The following ZFPM2 variants were observed in gnomAD, a reference collection of about 807,000 sequenced individuals.
ZFPM2 encodes the protein zinc finger protein ZFPM2.
A neutral mutation model predicts 98.6 loss-of-function variants in ZFPM2; 20 were observed. The ratio of observed to expected loss-of-function variants is 0.20; its 90% CI spans 0.14 to 0.29. ZFPM2 has a LOEUF of 0.29. ZFPM2 is among the 10% of genes least tolerant of loss of function. The probability of loss-of-function intolerance (pLI) is 1.00; values close to 1 mark genes in which losing one functional copy is unlikely to be tolerated. For missense variants in ZFPM2, 1,310 were observed against 1,388.6 expected (o/e 0.94, Z 0.90); for synonymous variants, 518 against 502.7 (o/e 1.03, Z -0.41).
intron 3 of ZFPM2, among the ~76,000 whole-genome samples, chr8:105,507,276 G>C (rs1309586966): frequency 1.3e-5 from 2 of 152,172 alleles, no homozygotes; most frequent in African/African-American, 4.8e-5. Flanking sequence ...CAGAGACTAA[G>C]AGTGATCTCA....
chr8:105,321,060 A>G (rs1434984844), intron 1 of ZFPM2, among the ~76,000 whole-genome samples: 1 of 152,198 alleles, frequency 6.6e-6, no homozygotes, highest in Non-Finnish European at 1.5e-5. Context: ...TTCCACCGTT[A>G]AGAAAAGTGA....
intron 4 of ZFPM2, among the ~76,000 whole-genome samples, chr8:105,633,304 T>C (rs1816786086): frequency 6.6e-6 from 1 of 152,190 alleles, no homozygotes; most frequent in South Asian, 2.1e-4. Flanking sequence ...ACCCTTGTAT[T>C]GTGCTCTGTG....
intron 5 of ZFPM2, among the ~76,000 whole-genome samples, chr8:105,694,383 A>T (rs1810968213): frequency 6.6e-6 from 1 of 152,088 alleles, no homozygotes; most frequent in Non-Finnish European, 1.5e-5. Context: ...AAAAAATCAC[A>T]ATTATGATTT....
At chr8:105,455,126 G>T (rs1812562393) in intron 3 of ZFPM2, among the ~76,000 whole-genome samples, 1 of 152,080 alleles carries the variant, frequency 6.6e-6, no homozygotes, top group Non-Finnish European at 1.5e-5. Flanking sequence ...TGATTTTCTG[G>T]TTTGGGATGC....
chr8:105,364,107 G>T (rs2035362), intron 1 of ZFPM2, among the ~76,000 whole-genome samples: 17,295 of 151,842 alleles, frequency 0.11, 1,259 homozygotes, highest in Non-Finnish European at 0.16. Context: ...GACACTAAAT[G>T]GATATTTTTA....
At chr8:105,594,880 C>T (rs1815935255) in intron 4 of ZFPM2, among the ~76,000 whole-genome samples, 1 of 152,008 alleles carries the variant, frequency 6.6e-6, no homozygotes, top group Non-Finnish European at 1.5e-5. Flanking sequence ...TAGTCTCTGC[C>T]CTCAAGGAGC....
chr8:105,582,987 G>A (rs1325674809), intron 4 of ZFPM2, among the ~76,000 whole-genome samples: 1 of 152,072 alleles, frequency 6.6e-6, no homozygotes, highest in African/African-American at 2.4e-5. Context: ...GCAACACCTG[G>A]TTAATTTGTT....
intron 4 of ZFPM2, among the ~76,000 whole-genome samples, chr8:105,588,303 C>A (rs1448193876): frequency 6.6e-6 from 1 of 152,000 alleles, no homozygotes; most frequent in South Asian, 2.1e-4. Context: ...TCCACAATTA[C>A]CCCCAAAATA....
chr8:105,507,521 A>G (rs781484041), intron 3 of ZFPM2, among the ~76,000 whole-genome samples: 4 of 152,238 alleles, frequency 2.6e-5, no homozygotes. Flanking sequence ...AATATTACCT[A>G]TCTCAAAGTG....
chr8:105,670,824 A>G (rs890711149), intron 5 of ZFPM2, among the ~76,000 whole-genome samples: 11 of 152,192 alleles, frequency 7.2e-5, no homozygotes, highest in Non-Finnish European at 1.3e-4. Context: ...GTATTATAGC[A>G]TTTTCAAATA....
chr8:105,679,131 A>C (rs902011552), intron 5 of ZFPM2: 2 of 152,214 alleles, frequency 1.3e-5, no homozygotes, highest in African/African-American at 4.8e-5. Context: ...TATACTTTCT[A>C]TGTGCCGCCT....
chr8:105,380,874 T>C (rs1159135715), intron 1 of ZFPM2, among the ~76,000 whole-genome samples: 1 of 96,090 alleles, frequency 1.0e-5, no homozygotes, highest in African/African-American at 4.4e-5. Flanking sequence ...ATAATATATA[T>C]GTTATATATA....
At chr8:105,684,071 A>G (rs1810676826) in intron 5 of ZFPM2, among the ~76,000 whole-genome samples, 1 of 152,170 alleles carries the variant, frequency 6.6e-6, no homozygotes, top group Admixed American at 6.5e-5. Context: ...AACCTTACAG[A>G]TAGAGAAATC....
chr8:105,801,630 C>G lies in ZFPM2; in HGVS notation c.1548C>G (p.Ile516Met). 1.2e-6 allele frequency: 2 copies of G among 1,613,758 alleles called. No homozygotes were observed. The highest frequency in any genetic ancestry group is 2.2e-5 in the South Asian group (2 of 91,074). Reference sequence around the variant, plus strand: ...CCATGGTCCCTCAAGCTTCAGAGATCTTAGCTAAGATGTCTGAACTGGTGC... The same window carrying G: ...CCATGGTCCCTCAAGCTTCAGAGATGTTAGCTAAGATGTCTGAACTGGTGC... ...DITMVPQASE[I>M]LAKMSELVHR... The change falls in exon 8 of 8, where the codon ATC becomes ATG. Residue 516 changes from isoleucine (I) to methionine (M), a missense_variant. By Grantham distance (10) the Ile-to-Met change is conservative (BLOSUM62 1). Coordinates refer to ENST00000407775, the MANE Select transcript of ZFPM2 (RefSeq NM_012082.4).
At chr8:105,666,267 C>T (rs78221792) in intron 5 of ZFPM2, among the ~76,000 whole-genome samples, 6,625 of 152,190 alleles carry the variant, frequency 0.044, 187 homozygotes, top group Middle Eastern at 0.14. Context: ...ATTAATAAAA[C>T]AATTCTTCTT....
chr8:105,753,070 G>A (rs1201544853), intron 5 of ZFPM2, among the ~76,000 whole-genome samples: 3 of 152,060 alleles, frequency 2.0e-5, no homozygotes, highest in Non-Finnish European at 2.9e-5. Flanking sequence ...AACGTGAGAG[G>A]CCAGGGTCAC....
At chr8:105,647,776 A>G (rs1378202696) in intron 5 of ZFPM2, among the ~76,000 whole-genome samples, 1 of 152,114 alleles carries the variant, frequency 6.6e-6, no homozygotes, top group Non-Finnish European at 1.5e-5. Context: ...CCAGTCTATC[A>G]TTGATGGACA....
At chr8:105,618,047 A>G (rs1037544112) in intron 4 of ZFPM2, among the ~76,000 whole-genome samples, 1 of 152,146 alleles carries the variant, frequency 6.6e-6, no homozygotes, top group African/African-American at 2.4e-5. Flanking sequence ...CACAAAAGCT[A>G]TAAATTTCAC....
chr8:105,574,604 C>T (rs1475879593), intron 4 of ZFPM2, among the ~76,000 whole-genome samples: 1 of 152,118 alleles, frequency 6.6e-6, no homozygotes, highest in Non-Finnish European at 1.5e-5. Flanking sequence ...CAGTGATGTA[C>T]TGTGAAATAT....
Sources: gnomAD v4.1 joint callset for allele counts (sites outside exome capture counted in the v4.1 genomes callset) on GRCh38, gnomAD v4.1.1 for gene constraint, MANE v1.5 for transcripts, NCBI Gene and HGNC (gene_info 2026-07-23, HGNC 2026-07-21) for gene names.